The following GPR89A variants were observed in gnomAD, a reference collection of about 807,000 sequenced individuals.
GPR89A encodes G protein-coupled receptor 89A.
Under a neutral mutation model 52.0 loss-of-function variants are expected in GPR89A, and 16 were observed. The ratio of observed to expected loss-of-function variants is 0.31; its 90% CI spans 0.21 to 0.47. The LOEUF (loss-of-function observed/expected upper bound fraction) is 0.47. GPR89A is among the 20% of genes least tolerant of loss of function. The pLI is 1.00. For synonymous variants in GPR89A, 55 were observed against 150.9 expected (o/e 0.36, Z 4.66); for missense variants, 135 against 449.4 (o/e 0.30, Z 6.33).
rs587713553 is a variant in GPR89A at position 145,608,080 on chromosome 1, G to T, written c.-54G>T. 3.1e-6 allele frequency: 5 copies of T among 1,609,522 alleles called. No homozygotes were observed. The South Asian group carries it at 5.5e-5, about 18-fold the overall frequency. ...GTGAGGGGGCCTGTGGCCCCAGCGT[G>T]CTGTGGCCTCGGGGAGTGGGAAGTG... is the stretch of plus-strand genomic sequence containing the variant. On this transcript the variant is annotated 5_prime_UTR_variant, in exon 1 of 14. Transcript: ENST00000313835.
chr1:145,646,631 G>A (rs782485365), intron 9 of GPR89A: 431 of 276,938 alleles, frequency 1.6e-3, no homozygotes, highest in Non-Finnish European at 2.3e-3. Flanking sequence ...TATCTGCCAT[G>A]GATGGCCTAG....
At chr1:145,655,559 G>A (rs1365235109) in intron 10 of GPR89A, among the ~76,000 whole-genome samples, 1 of 152,118 alleles carries the variant, frequency 6.6e-6, no homozygotes, top group Non-Finnish European at 1.5e-5. Context: ...TCTTCTGTAG[G>A]GCTGCTGCCA....
chr1:145,655,592 C>A (rs1651755809), intron 10 of GPR89A, among the ~76,000 whole-genome samples: 1 of 152,140 alleles, frequency 6.6e-6, no homozygotes, highest in South Asian at 2.1e-4. Flanking sequence ...CGAATCCATA[C>A]CCTACTCGCC....
rs587658682 is a variant in GPR89A, at chr1:145,641,324, T to G, written c.618-2545T>G. The stretch of plus-strand genomic sequence containing the variant: ...AAAATTACAGAAATGGAGAACAGAT[T>G]CGTGGTTGCCAGAATTAAGGAATTG... On this transcript the variant is annotated intron_variant, in intron 7 of 13. Transcript: ENST00000313835. Among the ~76,000 whole-genome samples the G allele has an allele frequency of 7.8e-4, 119 of 152,010 alleles. 1 individual carries two copies. Among genetic ancestry groups the G allele is most frequent in the Middle Eastern group, 3.4e-3 (1 of 294 alleles).
intron 10 of GPR89A, among the ~76,000 whole-genome samples, chr1:145,650,409 A>G (rs587713573): frequency 6.6e-6 from 1 of 151,770 alleles, no homozygotes; most frequent in Admixed American, 6.6e-5. Flanking sequence ...GGTTGATTCT[A>G]TGTCTTTGCT....
At chr1:145,652,243 A>G (rs1158838744) in intron 10 of GPR89A, among the ~76,000 whole-genome samples, 2 of 150,968 alleles carry the variant, frequency 1.3e-5, no homozygotes, top group African/African-American at 4.9e-5. Context: ...TTCTGTGTCT[A>G]TTGAGATAAT....
At chr1:145,623,203 G>A in intron 4 of GPR89A, 43 bp downstream of exon 4, 1 of 1,601,974 alleles carries the variant, frequency 6.2e-7, no homozygotes, top group African/African-American at 1.3e-5. Context: ...ATTGAGATGA[G>A]TATTTGAGGG....
At chr1:145,611,159 C>T (rs1358751297) in intron 1 of GPR89A, among the ~76,000 whole-genome samples, 11 of 138,468 alleles carry the variant, frequency 7.9e-5, no homozygotes, top group Admixed American at 1.4e-4. Flanking sequence ...TCTCCAGCTA[C>T]TTGTGTGTGT....
chr1:145,663,475 A>G (rs377212659), intron 11 of GPR89A, 51 bp downstream of exon 11: 21 of 1,606,416 alleles, frequency 1.3e-5, no homozygotes, highest in Admixed American at 1.0e-4. Context: ...TTTATCTACT[A>G]TAACTTACCA....
intron 3 of GPR89A, among the ~76,000 whole-genome samples, chr1:145,619,917 A>T (rs1649006910): frequency 6.6e-6 from 1 of 152,050 alleles, no homozygotes; most frequent in Non-Finnish European, 1.5e-5. Context: ...TGGGGGGCTG[A>T]GGCAGGAGAA....
intron 12 of GPR89A, among the ~76,000 whole-genome samples, chr1:145,667,335 A>C (rs1390534654): frequency 6.6e-6 from 1 of 152,224 alleles, no homozygotes; most frequent in Non-Finnish European, 1.5e-5. Context: ...TCTGATGGCC[A>C]GTGATGATCA....
intron 11 of GPR89A, 122 bp from the exon 12 acceptor site, chr1:145,665,417 CTTTCCTCTCTCCCTTAAGAAAAA>C (rs1227860965): frequency 1.1e-6 from 1 of 894,094 alleles, no homozygotes; most frequent in Non-Finnish European, 1.8e-6. Flanking sequence ...CACCTACTTG[CTTTCCTCTCTCCCTTAAGAAAAA>C]AAATCAGGTA....
chr1:145,636,865 C>G (rs2624737), intron 7 of GPR89A, among the ~76,000 whole-genome samples: 3 of 152,134 alleles, frequency 2.0e-5, no homozygotes, highest in East Asian at 3.9e-4. Flanking sequence ...GCCACCACCC[C>G]CCCTGCCAGC....
At chr1:145,638,361 G>A (rs1434811753) in intron 7 of GPR89A, among the ~76,000 whole-genome samples, 4 of 129,626 alleles carry the variant, frequency 3.1e-5, no homozygotes, top group South Asian at 2.6e-4. Flanking sequence ...TTAGCTGGGC[G>A]TGGTGGTGGG....
intron 5 of GPR89A, among the ~76,000 whole-genome samples, chr1:145,624,863 C>T (rs1368425335): frequency 4.2e-5 from 6 of 141,394 alleles, no homozygotes; most frequent in East Asian, 2.0e-4. Flanking sequence ...TCACATGGGC[C>T]GGGTTTTTTG....
rs181594304 is a variant in GPR89A, at chr1:145,610,444, C to T, written c.42+2269C>T. Reference sequence around the variant, plus strand: ...AACTTCTTTTAGTTCCCTAACCTGGCGATGCTATGGTGCCTCCAGATTTCC... The same window carrying T: ...AACTTCTTTTAGTTCCCTAACCTGGTGATGCTATGGTGCCTCCAGATTTCC... On this transcript the variant is annotated intron_variant, in intron 1 of 13. Transcript: ENST00000313835. Among the ~76,000 whole-genome samples, 19 of 152,164 alleles carry T rather than the reference C, an allele frequency of 1.2e-4. No individual in the cohort carries two copies. In the East Asian group the frequency reaches 3.1e-3, roughly 25 times the overall value.
chr1:145,661,007 G>A (rs587733774), intron 10 of GPR89A, among the ~76,000 whole-genome samples: 7 of 152,016 alleles, frequency 4.6e-5, no homozygotes, highest in African/African-American at 1.2e-4. Flanking sequence ...ACATGCACAC[G>A]TATGTTTATT....
At chr1:145,648,817 G>T (rs1256796176) in intron 10 of GPR89A, among the ~76,000 whole-genome samples, 107,815 of 107,888 alleles carry the variant, frequency 1, 53,878 homozygotes, top group Middle Eastern at 1. Flanking sequence ...TTTTTTTTTT[G>T]TTGAAGACGG....
At chr1:145,629,203 G>C (rs1396527828) in intron 5 of GPR89A, among the ~76,000 whole-genome samples, 2 of 152,126 alleles carry the variant, frequency 1.3e-5, no homozygotes, top group Non-Finnish European at 1.5e-5. Flanking sequence ...GCCCAGAGAA[G>C]ATCAGAAGCA....
Sources: gnomAD v4.1 joint callset for allele counts (sites outside exome capture counted in the v4.1 genomes callset) on GRCh38, gnomAD v4.1.1 for gene constraint, MANE v1.5 for transcripts, NCBI Gene and HGNC (gene_info 2026-07-23, HGNC 2026-07-21) for gene names.